PLEKHA2: variants seen among roughly 807,000 people sequenced by gnomAD.
PLEKHA2 encodes the protein pleckstrin homology domain-containing family A member 2.
A neutral mutation model predicts 53.2 loss-of-function variants in PLEKHA2; 28 were observed. The ratio of observed to expected loss-of-function variants is 0.53; its 90% CI spans 0.39 to 0.72. PLEKHA2 has a LOEUF of 0.72. Among genes scored for constraint, PLEKHA2 ranks in the 30% least tolerant of loss-of-function variants. The pLI is 0.00. For missense variants in PLEKHA2, 426 were observed against 537.9 expected (o/e 0.79, Z 2.06); for synonymous variants, 193 against 196.4 (o/e 0.98, Z 0.14).
At chr8:38,962,836 A>G (rs1835063531) in intron 10 of PLEKHA2, among the ~76,000 whole-genome samples, 1 of 152,232 alleles carries the variant, frequency 6.6e-6, no homozygotes, top group Non-Finnish European at 1.5e-5. Context: ...GTGTTGCATT[A>G]GAGCTCTTCG....
chr8:38,917,546 A>G (rs1834082328), intron 1 of PLEKHA2, among the ~76,000 whole-genome samples: 1 of 152,202 alleles, frequency 6.6e-6, no homozygotes, highest in Admixed American at 6.5e-5. Context: ...TTACAGATGC[A>G]GAAGCTGAGG....
intron 2 of PLEKHA2, among the ~76,000 whole-genome samples, chr8:38,918,592 C>T (rs1834119164): frequency 1.1e-4 from 1 of 9,108 alleles, no homozygotes; most frequent in Non-Finnish European, 2.8e-4. Context: ...CATGCACACA[C>T]ATCCCATACA....
intron 2 of PLEKHA2, among the ~76,000 whole-genome samples, chr8:38,930,122 T>C (rs1174228915): frequency 6.6e-6 from 1 of 152,162 alleles, no homozygotes; most frequent in Non-Finnish European, 1.5e-5. Context: ...TCAAGGACCT[T>C]AGTGGCAGAA....
At chr8:38,935,658 A>G (rs1834480821) in intron 2 of PLEKHA2, among the ~76,000 whole-genome samples, 1 of 152,092 alleles carries the variant, frequency 6.6e-6, no homozygotes, top group East Asian at 1.9e-4. Context: ...GCCTCAAGTG[A>G]TCTTCCCACC....
At chr8:38,940,977 G>T (rs1834600929) in intron 3 of PLEKHA2, among the ~76,000 whole-genome samples, 1 of 151,430 alleles carries the variant, frequency 6.6e-6, no homozygotes, top group African/African-American at 2.4e-5. Flanking sequence ...CATCCAATTT[G>T]TAACTGGCTC....
rs201962945 is a variant in PLEKHA2 at position 38,952,169 on chromosome 8, G to A, written c.490G>A (p.Gly164Ser). Residue 164 changes from glycine (G) to serine (S), a missense_variant, in exon 7 of 12, where the codon GGT (glycine) becomes AGT (serine). Coordinates refer to ENST00000617275, the MANE Select transcript of PLEKHA2 (RefSeq NM_021623.2). ...TACTGACACTGTTTCCTTGCAGAACGGTGGGGATGGGCAGGAAGGGAGTGA... is the reference window on the plus strand; with the variant it reads ...TACTGACACTGTTTCCTTGCAGAACAGTGGGGATGGGCAGGAAGGGAGTGA... ...VVVHTPISQNGGDGQEGSEPG... is the reference protein window; with the variant it reads ...VVVHTPISQNSGDGQEGSEPG... 9.3e-6 allele frequency: 15 copies of A among 1,612,440 alleles called. No individual in the cohort carries two copies. In the Admixed American group the frequency reaches 1.8e-4, roughly 20 times the overall value.
chr8:38,948,793 C>T (rs1397493699), intron 5 of PLEKHA2, among the ~76,000 whole-genome samples: 1 of 152,146 alleles, frequency 6.6e-6, no homozygotes, highest in African/African-American at 2.4e-5. Flanking sequence ...TAGGGTGTTG[C>T]GTTCTCCTGA....
At chr8:38,930,464 A>G (rs1834371245) in intron 2 of PLEKHA2, among the ~76,000 whole-genome samples, 1 of 152,138 alleles carries the variant, frequency 6.6e-6, no homozygotes, top group Admixed American at 6.6e-5. Context: ...TCAGCCTCCC[A>G]AAGTGCTGGG....
At chr8:38,953,033 A>G (rs1200816686) in intron 8 of PLEKHA2, among the ~76,000 whole-genome samples, 1 of 151,974 alleles carries the variant, frequency 6.6e-6, no homozygotes, top group Non-Finnish European at 1.5e-5. Flanking sequence ...TAGAGACAGG[A>G]TTTCACTATG....
At chr8:38,932,553 C>CTA (rs1037694979) in intron 2 of PLEKHA2, among the ~76,000 whole-genome samples, 3 of 152,162 alleles carry the variant, frequency 2.0e-5, no homozygotes, top group Middle Eastern at 3.2e-3. Flanking sequence ...TGTTTCTTGG[C>CTA]CTTCCTGCCC....
intron 2 of PLEKHA2, among the ~76,000 whole-genome samples, chr8:38,928,236 CTTTTT>C (rs11414317): frequency 9.1e-6 from 1 of 110,130 alleles, no homozygotes; most frequent in Non-Finnish European, 1.8e-5. Flanking sequence ...CTGACCTGGT[CTTTTT>C]TTTTTTTTTT....
At chr8:38,933,790 A>AAAAAAAAAAAAAAAAAAAAAG (rs71216697) in intron 2 of PLEKHA2, among the ~76,000 whole-genome samples, 100 of 90,460 alleles carry the variant, frequency 1.1e-3, no homozygotes, top group Non-Finnish European at 1.7e-3. Flanking sequence ...AAAAAAAAAA[A>AAAAAAAAAAAAAAAAAAAAAG]AAAAGAAAAG....
At chr8:38,934,431 A>ATT (rs200560678) in intron 2 of PLEKHA2, among the ~76,000 whole-genome samples, 1 of 147,216 alleles carries the variant, frequency 6.8e-6, no homozygotes, top group African/African-American at 2.5e-5. Flanking sequence ...GGCTTCAGAG[A>ATT]TTTTTTTTTT....
intron 1 of PLEKHA2, among the ~76,000 whole-genome samples, chr8:38,914,777 T>G (rs1372925385): frequency 6.6e-6 from 1 of 152,230 alleles, no homozygotes; most frequent in Non-Finnish European, 1.5e-5. Flanking sequence ...GCTCTCGCCC[T>G]TCCCTTTGGC....
intron 10 of PLEKHA2, among the ~76,000 whole-genome samples, chr8:38,957,600 G>A (rs920847378): frequency 2.6e-5 from 4 of 152,152 alleles, no homozygotes; most frequent in East Asian, 3.9e-4. Flanking sequence ...AGGTTGAGCC[G>A]CTCTACTGAG....
At chr8:38,907,686 A>G in intron 1 of PLEKHA2, among the ~76,000 whole-genome samples, 1 of 151,268 alleles carries the variant, frequency 6.6e-6, no homozygotes, top group African/African-American at 2.4e-5. Flanking sequence ...GCATGAGCCC[A>G]GGAGGTGGAG....
In PLEKHA2 at chr8:38,946,209, C is replaced by T. The variant is rs1367822068; in HGVS notation, c.333C>T (p.Ala111=). The T allele has an allele frequency of 5.0e-6, 8 of 1,601,810 alleles. No homozygotes were observed. The highest frequency in any genetic ancestry group is 6.0e-6 in the Non-Finnish European group (7 of 1,173,760). The change falls in exon 5 of 12, where the codon GCC becomes GCT. Residue 111 remains alanine, a synonymous_variant. Transcript: ENST00000617275. ...ACTGGGTTGAAGCCCTGAACCAAGC[C>T]AGCAAGATCACCGTAAGTTTGGTTT... ...MKDWVEALNQ[A]SKITVPKGGG...
intron 1 of PLEKHA2, among the ~76,000 whole-genome samples, chr8:38,908,221 A>T (rs1263963494): frequency 2.0e-5 from 3 of 152,176 alleles, no homozygotes; most frequent in East Asian, 3.8e-4. Context: ...TTAAGACCAG[A>T]GAGCAAGGGA....
At chr8:38,923,508 G>A (rs531884915) in intron 2 of PLEKHA2, among the ~76,000 whole-genome samples, 1 of 152,230 alleles carries the variant, frequency 6.6e-6, no homozygotes. Context: ...CGCCCAGCCT[G>A]TAGGTGATCC....
Sources: allele counts gnomAD v4.1 joint callset (sites outside exome capture counted in the v4.1 genomes callset), GRCh38; gene constraint gnomAD v4.1.1; transcripts MANE v1.5; gene names NCBI Gene and HGNC (gene_info 2026-07-23, HGNC 2026-07-21).